The following RARB variants were observed in gnomAD, a reference collection of about 807,000 sequenced individuals.
The protein encoded by RARB is HBV-activated protein.
In RARB, 17 loss-of-function variants were observed where a neutral mutation model predicts 51.9. That is an observed-to-expected ratio of 0.33 (90% CI 0.22 to 0.49). The LOEUF (loss-of-function observed/expected upper bound fraction) is 0.49, where lower values mean the gene tolerates loss of function less well. Ranked by LOEUF, RARB falls within the 20% of genes least tolerant of loss-of-function variation. RARB has a pLI of 0.99. For missense variants in RARB, 369 were observed against 550.8 expected (o/e 0.67, Z 3.30); for synonymous variants, 215 against 195.4 (o/e 1.10, Z -0.84).
At chr3:25,565,573 CAT>C (rs2125683252) in intron 3 of RARB, among the ~76,000 whole-genome samples, 1 of 152,264 alleles carries the variant, frequency 6.6e-6, no homozygotes, top group South Asian at 2.1e-4. Context: ...AATAAATATT[CAT>C]TGAATGAATG....
At chr3:25,047,061 A>C in intron 2 of RARB, among the ~76,000 whole-genome samples, 1 of 152,154 alleles carries the variant, frequency 6.6e-6, no homozygotes, top group South Asian at 2.1e-4. Context: ...TAAGAGCTCC[A>C]GTGTCTCATG....
At chr3:25,451,236 G>A (rs1362736041) in intron 1 of RARB, among the ~76,000 whole-genome samples, 6 of 152,220 alleles carry the variant, frequency 3.9e-5, no homozygotes, top group South Asian at 2.1e-4. Flanking sequence ...AATTGCAAAC[G>A]TTGTCTCTGG....
intron 5 of RARB, among the ~76,000 whole-genome samples, chr3:25,393,152 CATT>C (rs1452383824): frequency 6.6e-6 from 1 of 151,908 alleles, no homozygotes; most frequent in Non-Finnish European, 1.5e-5. Flanking sequence ...ATGACCATGT[CATT>C]GTTGTTTTTA....
intron 5 of RARB, among the ~76,000 whole-genome samples, chr3:25,269,462 C>T (rs976077365): frequency 2.0e-5 from 3 of 152,140 alleles, no homozygotes. Context: ...AGCTGCATGA[C>T]CTTGGGCAAG....
intron 2 of RARB, among the ~76,000 whole-genome samples, chr3:24,943,093 A>G (rs73137261): frequency 0.012 from 1,853 of 152,330 alleles, 32 homozygotes; most frequent in African/African-American, 0.042. Flanking sequence ...CTAGTGAATG[A>G]CACCAAGACA....
intron 5 of RARB, among the ~76,000 whole-genome samples, chr3:25,271,340 G>A (rs540468987): frequency 4.9e-4 from 75 of 152,260 alleles, no homozygotes; most frequent in African/African-American, 1.6e-3. Context: ...ACTAGCTCTT[G>A]AAATGCCATA....
intron 2 of RARB, among the ~76,000 whole-genome samples, chr3:24,902,440 A>T (rs1056478420): frequency 6.6e-6 from 1 of 152,156 alleles, no homozygotes; most frequent in African/African-American, 2.4e-5. Context: ...TACAGAAGAA[A>T]GGAAGAGTTT....
At chr3:25,117,229 T>G (rs1279676305) in intron 3 of RARB, among the ~76,000 whole-genome samples, 1 of 152,128 alleles carries the variant, frequency 6.6e-6, no homozygotes, top group Non-Finnish European at 1.5e-5. Flanking sequence ...AATATGATAA[T>G]CTACTTCCCA....
intron 2 of RARB, among the ~76,000 whole-genome samples, chr3:25,050,446 TA>T: frequency 6.6e-6 from 1 of 152,212 alleles, no homozygotes; most frequent in South Asian, 2.1e-4. Context: ...AAAAAAAAAT[TA>T]ACTCTCATCC....
intron 2 of RARB, among the ~76,000 whole-genome samples, chr3:24,887,878 C>T (rs1309203833): frequency 1.3e-5 from 2 of 152,138 alleles, no homozygotes; most frequent in African/African-American, 2.4e-5. Context: ...TGGGAAGAAG[C>T]TGATGGCCTT....
chr3:25,058,201 G>A (rs868320513), intron 2 of RARB, among the ~76,000 whole-genome samples: 1 of 151,856 alleles, frequency 6.6e-6, no homozygotes, highest in South Asian at 2.1e-4. Context: ...ATTAATTAAT[G>A]GCAGTATAGG....
intron 2 of RARB, among the ~76,000 whole-genome samples, chr3:25,470,529 T>C (rs913499962): frequency 6.6e-6 from 1 of 152,130 alleles, no homozygotes; most frequent in Non-Finnish European, 1.5e-5. Flanking sequence ...AGAGGAGTGT[T>C]CCAGGCAAAA....
intron 2 of RARB, among the ~76,000 whole-genome samples, chr3:24,962,331 T>C (rs1415796630): frequency 1.3e-5 from 2 of 152,164 alleles, no homozygotes; most frequent in Non-Finnish European, 2.9e-5. Flanking sequence ...CTGCGGGCTG[T>C]CCCATGCCTT....
chr3:25,322,333 A>G (rs1446158272), intron 5 of RARB, among the ~76,000 whole-genome samples: 1 of 152,222 alleles, frequency 6.6e-6, no homozygotes, highest in Non-Finnish European at 1.5e-5. Flanking sequence ...GCAAAGTTCT[A>G]AAAGAAATAT....
Position 24,962,078 on chromosome 3 carries a change from C to T in RARB, c.-379-98047C>T, listed in dbSNP as rs181933281. 7.7e-3 allele frequency among the ~76,000 whole-genome samples: 1,173 copies of T among 151,866 alleles called. 14 individuals are homozygous for T. The highest frequency in any genetic ancestry group is 0.027 in the African/African-American group (1,106 of 41,414). ...CCAAGTAGCTGGGACTACAGGTGCC[C>T]GCCACCACACCTGGCTGATTTTTTC... is the stretch of plus-strand genomic sequence containing the variant. On this transcript the variant is annotated intron_variant, in intron 2 of 11. Coordinates refer to the RARB transcript ENST00000383772.
At chr3:25,206,376 G>C (rs1292404508) in intron 5 of RARB, among the ~76,000 whole-genome samples, 3 of 152,102 alleles carry the variant, frequency 2.0e-5, no homozygotes, top group Non-Finnish European at 4.4e-5. Context: ...AATTACTCAG[G>C]TGACATTTTA....
intron 2 of RARB, among the ~76,000 whole-genome samples, chr3:25,044,168 T>C (rs576760235): frequency 2.2e-4 from 33 of 152,336 alleles, no homozygotes; most frequent in Non-Finnish European, 2.9e-5. Flanking sequence ...TCTTCCCTCT[T>C]TTTTGAACAA....
chr3:25,004,056 G>A (rs1049909560), intron 2 of RARB, among the ~76,000 whole-genome samples: 17 of 152,118 alleles, frequency 1.1e-4, no homozygotes, highest in African/African-American at 4.1e-4. Context: ...CTTACCTGAA[G>A]TCTAGTACAA....
rs1354607113 is a variant in RARB, at chr3:25,247,901, C to T, written c.178+73326C>T. The stretch of plus-strand genomic sequence containing the variant: ...GTAAATTAATGTTAGATCCATTAGT[C>T]TAAAGTGCAGTTTAAATCTAGTATT... On this transcript the variant is annotated intron_variant, in intron 5 of 11. Transcript: ENST00000383772. Among the ~76,000 whole-genome samples, 3 of 152,306 alleles carry T rather than the reference C, an allele frequency of 2.0e-5. No individual in the cohort carries two copies. The East Asian group carries it at 5.8e-4, about 29-fold the overall frequency.
Sources: allele counts gnomAD v4.1 joint callset (sites outside exome capture counted in the v4.1 genomes callset), GRCh38; gene constraint gnomAD v4.1.1; transcripts MANE v1.5; gene names NCBI Gene and HGNC (gene_info 2026-07-23, HGNC 2026-07-21).